The following RNF111 variants were observed in gnomAD, a reference collection of about 807,000 sequenced individuals.
The protein encoded by RNF111 is E3 ubiquitin-protein ligase Arkadia.
RNF111 carries 17 observed loss-of-function variants against 95.1 expected under a neutral mutation model. That is an observed-to-expected ratio of 0.18 (90% CI 0.12 to 0.27). RNF111 has a LOEUF of 0.27. Among genes scored for constraint, RNF111 ranks in the 10% least tolerant of loss-of-function variants. RNF111 has a pLI of 1.00. For synonymous variants in RNF111, 440 were observed against 414.8 expected (o/e 1.06, Z -0.74); for missense variants, 1,189 against 1,210.4 (o/e 0.98, Z 0.26).
rs1370973358 is a variant in RNF111, at chr15:59,066,970, G to T, written c.1573G>T (p.Ala525Ser). The change falls in exon 6 of 14, where the codon GCT becomes TCT. Residue 525 changes from alanine (A) to serine (S), a missense_variant. Coordinates refer to ENST00000348370, the MANE Select transcript of RNF111 (RefSeq NM_017610.8). ...HHHHHHTPHPAVPVSPSFSDP... is the reference protein window; with the variant it reads ...HHHHHHTPHPSVPVSPSFSDP... ...CCACCACCACCATACTCCCCACCCA[G>T]CTGTCCCAGTTTCTCCTTCCTTTAG... The T allele has an allele frequency of 5.0e-6, 8 of 1,613,948 alleles. No individual in the cohort carries two copies. The South Asian group carries it at 7.7e-5, about 16-fold the overall frequency.
chr15:59,006,921 G>C (rs2039567121), intron 1 of RNF111, among the ~76,000 whole-genome samples: 2 of 152,176 alleles, frequency 1.3e-5, no homozygotes, highest in Admixed American at 6.5e-5. Context: ...GAGTAGCTGG[G>C]ATTGCAGGCG....
chr15:59,066,972 T>C lies in RNF111; in HGVS notation c.1575T>C (p.Ala525=), dbSNP rs199687947. The C allele has an allele frequency of 1.6e-4, 265 of 1,614,178 alleles. No homozygotes were observed. In the East Asian group the frequency reaches 5.9e-3, roughly 36 times the overall value. ...ACCACCACCATACTCCCCACCCAGC[T>C]GTCCCAGTTTCTCCTTCCTTTAGTG... The part of the protein sequence containing the change: ...HHHHHHTPHP[A]VPVSPSFSDP... The change falls in exon 6 of 14, where the codon GCT becomes GCC. Residue 525 remains alanine (A), a synonymous_variant. Coordinates refer to ENST00000348370, the MANE Select transcript of RNF111 (RefSeq NM_017610.8).
chr15:59,057,611 C>T (rs116689934), intron 4 of RNF111, among the ~76,000 whole-genome samples: 358 of 152,208 alleles, frequency 2.4e-3, no homozygotes, highest in African/African-American at 8.3e-3. Flanking sequence ...TTGAAGTCTA[C>T]CTGAAATTTC....
intron 6 of RNF111, among the ~76,000 whole-genome samples, chr15:59,074,942 G>A (rs1167795113): frequency 2.6e-5 from 4 of 152,194 alleles, no homozygotes; most frequent in Non-Finnish European, 5.9e-5. Flanking sequence ...TTGTGTCTCA[G>A]GGAATAGGGA....
chr15:59,000,382 C>G (rs1311547450), intron 1 of RNF111, among the ~76,000 whole-genome samples: 4 of 151,838 alleles, frequency 2.6e-5, no homozygotes, highest in African/African-American at 9.7e-5. Context: ...AGGCTGATCT[C>G]AAACTGCTAG....
chr15:58,998,518 G>A (rs1270078704), intron 1 of RNF111, among the ~76,000 whole-genome samples: 2 of 152,138 alleles, frequency 1.3e-5, no homozygotes, highest in African/African-American at 2.4e-5. Context: ...CTTATTTTGA[G>A]AAAAGAACTT....
At chr15:59,050,073 T>G (rs1331894962) in intron 2 of RNF111, among the ~76,000 whole-genome samples, 1 of 150,976 alleles carries the variant, frequency 6.6e-6, no homozygotes, top group African/African-American at 2.4e-5. Flanking sequence ...TTTCTTTTTT[T>G]TTTTGTTTTG....
intron 1 of RNF111, among the ~76,000 whole-genome samples, chr15:59,004,935 C>A (rs777278211): frequency 1.3e-5 from 2 of 152,074 alleles, no homozygotes; most frequent in Non-Finnish European, 2.9e-5. Flanking sequence ...GAAGTGAGAC[C>A]CAGTGGAGAG....
chr15:59,069,039 A>G (rs1021319717), intron 6 of RNF111, among the ~76,000 whole-genome samples: 55 of 144,430 alleles, frequency 3.8e-4, no homozygotes, highest in Non-Finnish European at 6.0e-5. Flanking sequence ...ATGCCACCAC[A>G]CTCCAGCCTT....
chr15:58,992,681 A>G (rs1369793259), intron 1 of RNF111, among the ~76,000 whole-genome samples: 2 of 151,982 alleles, frequency 1.3e-5, no homozygotes, highest in Non-Finnish European at 2.9e-5. Context: ...TTAGACAGGC[A>G]TAATGGCACA....
At chr15:59,061,457 C>T (rs984272478) in intron 5 of RNF111, among the ~76,000 whole-genome samples, 5 of 152,204 alleles carry the variant, frequency 3.3e-5, no homozygotes, top group South Asian at 2.1e-4. Flanking sequence ...AGTTCCCTTT[C>T]GTTCCTCTAA....
chr15:58,988,269 T>C (rs1269415992), intron 1 of RNF111: 2 of 152,244 alleles, frequency 1.3e-5, no homozygotes, highest in Non-Finnish European at 2.9e-5. Context: ...GGCATTCGTC[T>C]ACCGACACAC....
At chr15:59,027,608 A>G (rs1287221751) in intron 1 of RNF111, among the ~76,000 whole-genome samples, 3 of 151,532 alleles carry the variant, frequency 2.0e-5, no homozygotes, top group Non-Finnish European at 4.4e-5. Flanking sequence ...GGCTCACTGC[A>G]ACCTATGTCT....
intron 1 of RNF111, among the ~76,000 whole-genome samples, chr15:58,998,874 A>G (rs527737667): frequency 6.6e-6 from 1 of 152,348 alleles, no homozygotes; most frequent in African/African-American, 2.4e-5. Flanking sequence ...AGAGGTGCGT[A>G]ACTTGGTGAA....
In RNF111 at chr15:59,007,873, G is replaced by T. The variant is rs2039611903; in HGVS notation, c.-20+19805G>T. On this transcript the variant is annotated intron_variant, in intron 1 of 13. Transcript: ENST00000348370. ...AGAATATAAGAGTTTTTTATATTCA[G>T]TATTCAAGTTACGTATATGTGTTTG... Among the ~76,000 whole-genome samples, 3 of 152,120 alleles carry T rather than the reference G, an allele frequency of 2.0e-5. No homozygotes were observed. In the South Asian group the frequency reaches 6.2e-4, roughly 32 times the overall value.
intron 7 of RNF111, among the ~76,000 whole-genome samples, chr15:59,078,385 G>A (rs951169686): frequency 1.4e-4 from 21 of 152,016 alleles, no homozygotes; most frequent in Admixed American, 1.2e-3. Context: ...GTATTGAGAA[G>A]ATATGTAAGG....
intron 2 of RNF111, among the ~76,000 whole-genome samples, chr15:59,045,856 A>G (rs1265709657): frequency 3.9e-5 from 6 of 152,220 alleles, no homozygotes; most frequent in African/African-American, 1.4e-4. Flanking sequence ...TTGGAAAATA[A>G]TTTGGAAATT....
chr15:59,050,939 T>G (rs1157567823), intron 2 of RNF111, among the ~76,000 whole-genome samples: 1 of 152,234 alleles, frequency 6.6e-6, no homozygotes, highest in African/African-American at 2.4e-5. Flanking sequence ...AAAAGATTTT[T>G]CAATAAATGT....
At chr15:59,089,631 T>TA in intron 10 of RNF111, 36 bp from the exon 11 acceptor site, 8 of 1,470,076 alleles carry the variant, frequency 5.4e-6, no homozygotes, top group Non-Finnish European at 7.6e-6. Context: ...AGTCTATTCT[T>TA]AAAATTGATT....
Sources: gnomAD v4.1 joint callset for allele counts (sites outside exome capture counted in the v4.1 genomes callset) on GRCh38, gnomAD v4.1.1 for gene constraint, MANE v1.5 for transcripts, NCBI Gene and HGNC (gene_info 2026-07-23, HGNC 2026-07-21) for gene names.